Variants in NDUFS2 observed in about 807,000 individuals in gnomAD.
NDUFS2 encodes the protein NADH dehydrogenase [ubiquinone] iron-sulfur protein 2, mitochondrial.
In NDUFS2, 38 loss-of-function variants were observed where a neutral mutation model predicts 69.6. The observed-to-expected ratio is 0.55, with a 90% confidence interval of 0.42 to 0.72. The LOEUF (loss-of-function observed/expected upper bound fraction) is 0.72, where lower values mean the gene tolerates loss of function less well. NDUFS2 is among the 30% of genes least tolerant of loss of function. The pLI is 0.00. For synonymous variants in NDUFS2, 194 were observed against 211.2 expected (o/e 0.92, Z 0.70); for missense variants, 468 against 595.0 (o/e 0.79, Z 2.22).
intron 2 of NDUFS2, among the ~76,000 whole-genome samples, chr1:161,204,197 C>A (rs1473070523): frequency 1.3e-5 from 2 of 152,186 alleles, no homozygotes; most frequent in African/African-American, 4.8e-5. Context: ...CCGTTGGTAA[C>A]CAAATGAAAC....
upstream of NDUFS2, chr1:161,197,886 G>A (rs562279415): frequency 6.8e-7 from 1 of 1,464,370 alleles, no homozygotes. Flanking sequence ...CAGAAGGGAG[G>A]GAAGCAGAAC....
intron 4 of NDUFS2, 81 bp downstream of exon 4, chr1:161,209,394 C>G: frequency 1.2e-6 from 2 of 1,610,092 alleles, no homozygotes; most frequent in Non-Finnish European, 1.7e-6. Context: ...TGAACCCAAG[C>G]TTAGTGTTCA....
upstream of NDUFS2, among the ~76,000 whole-genome samples, chr1:161,201,756 C>T (rs1023158287): frequency 2.0e-5 from 3 of 152,220 alleles, no homozygotes; most frequent in African/African-American, 2.4e-5. Context: ...CTCCTACACA[C>T]CCCGACACTC....
intron 3 of NDUFS2, among the ~76,000 whole-genome samples, chr1:161,207,489 C>A (rs1049548904): frequency 6.6e-6 from 1 of 152,186 alleles, no homozygotes; most frequent in Non-Finnish European, 1.5e-5. Context: ...TGGCCGGGCT[C>A]ACGCCTGTAA....
Position 161,214,269 on chromosome 1 carries a change from CTGTGTGTGTGTGTG to C in NDUFS2, c.*94_*107del. The C allele has an allele frequency of 7.8e-6, 7 of 895,556 alleles. No individual in the cohort carries two copies. The highest frequency in any genetic ancestry group is 1.4e-5 in the South Asian group (1 of 70,684). 55.5% of individuals were successfully genotyped at this position (895,556 alleles called of 1,614,324 possible). A position where few individuals can be genotyped will look rare whatever the true frequency, so the allele number is the denominator to read the frequency against. On this transcript the variant is annotated 3_prime_UTR_variant, in exon 14 of 14. Transcript: ENST00000676972. ...CCTGTTCCTCACTGGAAATTGGCCT[CTGTGTGTGTGTGTG>C]TGTGTGTGTGTGTGTGTATGTTCAT...
upstream of NDUFS2, chr1:161,202,227 C>G: frequency 4.2e-6 from 3 of 717,216 alleles, no homozygotes; most frequent in South Asian, 4.6e-5. Context: ...CAAGTGAAGC[C>G]GAGTCACAGG....
intron 1 of NDUFS2, 77 bp downstream of exon 1, chr1:161,202,557 G>GA: frequency 7.2e-7 from 1 of 1,382,542 alleles, no homozygotes; most frequent in Non-Finnish European, 1.0e-6. Context: ...TACTCCCCCA[G>GA]AAAATAATAA....
chr1:161,212,279 A>G (rs1665813486), intron 9 of NDUFS2, 72 bp from the exon 10 acceptor site: 2 of 1,603,586 alleles, frequency 1.2e-6, no homozygotes, highest in East Asian at 2.2e-5. Context: ...GAGGTTGGCC[A>G]AAGGGCATCC....
At chr1:161,204,598 T>G (rs1665353361) in intron 2 of NDUFS2, among the ~76,000 whole-genome samples, 1 of 152,212 alleles carries the variant, frequency 6.6e-6, no homozygotes, top group Non-Finnish European at 1.5e-5. Flanking sequence ...TTCATACTCT[T>G]GCTCCAAAAC....
chr1:161,201,094 A>T (rs1442378802), upstream of NDUFS2, among the ~76,000 whole-genome samples: 1 of 152,216 alleles, frequency 6.6e-6, no homozygotes, highest in Admixed American at 6.5e-5. Context: ...AGGCCCAGGG[A>T]AAGAGCAAGG....
chr1:161,198,519 G>A (rs1487317791), upstream of NDUFS2: 1 of 1,566,376 alleles, frequency 6.4e-7, no homozygotes, highest in South Asian at 1.2e-5. The surrounding 1 kb of genome is among the most constrained non-coding windows in gnomAD (Gnocchi z 4.7). Flanking sequence ...AGCAGAAGCA[G>A]CCACACCAGC....
chr1:161,210,740 T>C (rs765260462), intron 9 of NDUFS2, 30 bp downstream of exon 9: 6 of 1,613,802 alleles, frequency 3.7e-6, no homozygotes, highest in Admixed American at 1.7e-5. Flanking sequence ...TTGGCTGATA[T>C]TCCAGCTAGT....
In NDUFS2 at chr1:161,204,509, C is replaced by T. The variant is rs182203447; in HGVS notation, c.202+966C>T. Among the ~76,000 whole-genome samples the T allele has an allele frequency of 2.9e-3, 437 of 152,216 alleles. 3 individuals are homozygous for T. Among genetic ancestry groups the T allele is most frequent in the Non-Finnish European group, 3.3e-3 (225 of 68,006 alleles). Reference sequence around the variant, plus strand: ...AGGAGTCTATTCACTGAGTTTTTGCCGCTGATGTTGTCCCCTTTCCATCTA... The same window carrying T: ...AGGAGTCTATTCACTGAGTTTTTGCTGCTGATGTTGTCCCCTTTCCATCTA... On this transcript the variant is annotated intron_variant, in intron 2 of 13. Coordinates refer to ENST00000676972, the MANE Select transcript of NDUFS2 (RefSeq NM_001377299.1).
At chr1:161,213,619 T>C (rs1665891870) in intron 11 of NDUFS2, 30 bp from the exon 12 acceptor site, 1 of 1,610,514 alleles carries the variant, frequency 6.2e-7, no homozygotes, top group African/African-American at 1.3e-5. Flanking sequence ...TTCATGTTAA[T>C]ACAGACACCC....
chr1:161,207,483 C>A (rs930542435), intron 3 of NDUFS2, among the ~76,000 whole-genome samples: 2 of 152,054 alleles, frequency 1.3e-5, no homozygotes, highest in African/African-American at 2.4e-5. Context: ...TCACTCTGGC[C>A]GGGCTCACGC....
At chr1:161,204,701 G>T (rs760100459) in intron 2 of NDUFS2, among the ~76,000 whole-genome samples, 1 of 152,114 alleles carries the variant, frequency 6.6e-6, no homozygotes, top group Non-Finnish European at 1.5e-5. Context: ...GCATTATTTT[G>T]TTTAATCTTT....
chr1:161,203,521 C>G lies in NDUFS2; in HGVS notation c.180C>G (p.His60Gln). 1.2e-6 allele frequency: 2 copies of G among 1,613,808 alleles called. No homozygotes were observed. The highest frequency in any genetic ancestry group is 1.7e-6 in the Non-Finnish European group (2 of 1,179,946). ...AVMYPSKETA[H>Q]WKPPPWNDVD... ...TGTACCCAAGCAAAGAAACAGCCCA[C>G]TGGAAGCCTCCACCTTGGAATGGTG... Residue 60 changes from histidine to glutamine, a missense_variant, in exon 2 of 14, where the codon CAC (histidine) becomes CAG (glutamine). Around this residue, in one of 3 missense-constraint regions of NDUFS2, gnomAD observed 339 missense variants for 433.8 expected, o/e 0.78. Transcript: ENST00000676972.
intron 4 of NDUFS2, 56 bp from the exon 5 acceptor site, chr1:161,209,427 T>G (rs1571614772): frequency 6.2e-7 from 1 of 1,609,118 alleles, no homozygotes; most frequent in Non-Finnish European, 8.5e-7. Flanking sequence ...TGCCCAGACC[T>G]CTCTGTCCGC....
In NDUFS2 at chr1:161,209,577, G is replaced by A. The variant is rs760947250; in HGVS notation, c.609G>A (p.Leu203=). The change falls in exon 5 of 14, where the codon CTG becomes CTA. Residue 203 remains leucine (L), a synonymous_variant. Coordinates refer to ENST00000676972, the MANE Select transcript of NDUFS2 (RefSeq NM_001377299.1). ...DLGAMTPFFW[L]FEEREKMFEF... is the part of the protein sequence containing the mutation. ...GGGCCATGACCCCTTTCTTCTGGCTGTTTGAAGAAAGGGAGAAGGTAAGAG... is the reference window on the plus strand; with the variant it reads ...GGGCCATGACCCCTTTCTTCTGGCTATTTGAAGAAAGGGAGAAGGTAAGAG... 1.9e-6 allele frequency: 3 copies of A among 1,612,326 alleles called. No homozygotes were observed. In the Admixed American group the frequency reaches 5.0e-5, roughly 27 times the overall value.
Sources: gnomAD v4.1 joint callset for allele counts (sites outside exome capture counted in the v4.1 genomes callset) on GRCh38, gnomAD v4.1.1 for gene constraint, gnomAD v4.1.1 regional missense constraint, Gnocchi (gnomAD v3.1) non-coding constraint, MANE v1.5 for transcripts, NCBI Gene and HGNC (gene_info 2026-07-23, HGNC 2026-07-21) for gene names.